UGT1A6: variants seen among roughly 807,000 people sequenced by gnomAD.
UGT1A6 encodes UDP glucuronosyltransferase family 1 member A6, also known as UDP-glucuronosyltransferase 1A6.
UGT1A6 carries 32 observed loss-of-function variants against 44.4 expected under a neutral mutation model. The observed-to-expected ratio is 0.72, with a 90% confidence interval of 0.54 to 0.97. The LOEUF is 0.97. UGT1A6 is among the 50% of genes least tolerant of loss of function. The pLI, the probability that UGT1A6 is intolerant of heterozygous loss-of-function variation, is 0.00. For synonymous variants in UGT1A6, 238 were observed against 248.5 expected, an observed-to-expected ratio of 0.96 and a Z score of 0.40; for missense variants, 685 against 661.9, an observed-to-expected ratio of 1.03 and a Z score of -0.38.
At chr2:233,753,815 C>T (rs973351937) in intron 1 of UGT1A6, among the ~76,000 whole-genome samples, 12 of 152,170 alleles carry the variant, frequency 7.9e-5, no homozygotes, top group Admixed American at 5.2e-4. Context: ...TGGAGAACCA[C>T]GTTAGGGCTG....
At chr2:233,754,817 C>A in intron 1 of UGT1A6, 1 of 1,330,844 alleles carries the variant, frequency 7.5e-7, no homozygotes, top group East Asian at 4.7e-5. Flanking sequence ...AAAAACCACC[C>A]TCAAAAGCTG....
At chr2:233,755,437 G>A (rs558010225) in intron 1 of UGT1A6, 20 of 316,674 alleles carry the variant, frequency 6.3e-5, no homozygotes, top group East Asian at 5.9e-4. Flanking sequence ...ATCCCAAGAT[G>A]CAGTGCTCCT....
At chr2:233,743,747 GACA>G (rs1559387814) in intron 1 of UGT1A6, 2 of 1,367,344 alleles carry the variant, frequency 1.5e-6, no homozygotes, top group South Asian at 1.1e-5. Context: ...CTTGGCGTCC[GACA>G]ACACCTCGTA....
At chr2:233,702,131 A>C (rs1379311746) in intron 1 of UGT1A6, among the ~76,000 whole-genome samples, 1 of 151,904 alleles carries the variant, frequency 6.6e-6, no homozygotes, top group Non-Finnish European at 1.5e-5. Context: ...ATTTTCAGTC[A>C]CTCCCAAAGA....
At chr2:233,718,724 G>T (rs1307207827) in intron 1 of UGT1A6, 4 of 1,610,176 alleles carry the variant, frequency 2.5e-6, no homozygotes, top group Non-Finnish European at 3.4e-6. Flanking sequence ...ATGCTGATTT[G>T]CTAGGTGGCT....
At chr2:233,767,959 A>G in intron 3 of UGT1A6, 23 bp downstream of exon 3, 1 of 1,614,218 alleles carries the variant, frequency 6.2e-7, no homozygotes, top group Non-Finnish European at 8.5e-7. Flanking sequence ...GATTGGATGT[A>G]TAGGTCAAAC....
intron 4 of UGT1A6, chr2:233,770,452 G>C (rs1050174931): frequency 6.6e-6 from 1 of 152,078 alleles, no homozygotes; most frequent in African/African-American, 2.4e-5. Context: ...TTAGGAGTTC[G>C]AAACCAACCT....
intron 1 of UGT1A6, among the ~76,000 whole-genome samples, chr2:233,698,126 G>T (rs753031905): frequency 2.0e-5 from 3 of 152,148 alleles, no homozygotes; most frequent in Admixed American, 1.3e-4. Flanking sequence ...GCTTGACCTT[G>T]TTTGTGTCTC....
chr2:233,705,895 C>G (rs1312071295), intron 1 of UGT1A6, among the ~76,000 whole-genome samples: 1 of 152,094 alleles, frequency 6.6e-6, no homozygotes, highest in Non-Finnish European at 1.5e-5. Context: ...CAAGACTGCC[C>G]TGGCCAAAAT....
chr2:233,717,499 G>T (rs570547635), intron 1 of UGT1A6, among the ~76,000 whole-genome samples: 12 of 152,304 alleles, frequency 7.9e-5, no homozygotes, highest in Non-Finnish European at 1.5e-4. Context: ...TATCAATGTG[G>T]ATTTCTAATG....
Position 233,748,513 on chromosome 2 carries a change from T to C in UGT1A6, c.862-18521T>C, listed in dbSNP as rs527780891. Among the ~76,000 whole-genome samples the C allele has an allele frequency of 5.3e-5, 8 of 151,912 alleles. No homozygotes were observed. The South Asian group carries it at 1.7e-3, about 31-fold the overall frequency. The stretch of plus-strand genomic sequence containing the variant: ...TGTGATAATTTTTAGTGGTCCTGTC[T>C]TGCGAATGATAGAGAGGTGACCACA... On this transcript the variant is annotated intron_variant, in intron 1 of 4. Transcript: ENST00000305139.
In UGT1A6 at chr2:233,700,131, GCTGTTTGTCTCC is replaced by G. The variant is rs1446119494; in HGVS notation, c.861+6269_861+6280del. On this transcript the variant is annotated intron_variant, in intron 1 of 4. Coordinates refer to ENST00000305139, the MANE Select transcript of UGT1A6 (RefSeq NM_001072.4). ...CAAGGATCCTGTGCCCACCCTCTGA[GCTGTTTGTCTCC>G]CTATAGGGGTCTTTACAAGGAATGC... 7.9e-5 allele frequency among the ~76,000 whole-genome samples: 12 copies of G among 152,312 alleles called. No individual in the cohort carries two copies. In the East Asian group the frequency reaches 2.3e-3, roughly 29 times the overall value.
At chr2:233,771,377 T>A (rs1700299205) in intron 4 of UGT1A6, 1 of 152,184 alleles carries the variant, frequency 6.6e-6, no homozygotes, top group Non-Finnish European at 1.5e-5. Flanking sequence ...CCGTTTTGGA[T>A]TGAGATGTTC....
chr2:233,759,409 G>T (rs548037824), intron 1 of UGT1A6, among the ~76,000 whole-genome samples: 1 of 152,164 alleles, frequency 6.6e-6, no homozygotes, highest in African/African-American at 2.4e-5. Context: ...GTGACCTGTA[G>T]TAAGCAAAGG....
intron 1 of UGT1A6, among the ~76,000 whole-genome samples, chr2:233,720,591 T>C (rs1428416416): frequency 6.6e-6 from 1 of 152,064 alleles, no homozygotes; most frequent in Non-Finnish European, 1.5e-5. Context: ...ATTTCAGAGG[T>C]GACTTTCATT....
intron 1 of UGT1A6, among the ~76,000 whole-genome samples, chr2:233,756,884 T>C (rs1289001884): frequency 6.6e-6 from 1 of 152,128 alleles, no homozygotes; most frequent in Non-Finnish European, 1.5e-5. Flanking sequence ...GTAATGAGGA[T>C]GTGTTATCTC....
intron 1 of UGT1A6, among the ~76,000 whole-genome samples, chr2:233,703,657 T>C (rs757009493): frequency 5.9e-5 from 9 of 152,190 alleles, no homozygotes; most frequent in Non-Finnish European, 1.0e-4. Flanking sequence ...GCATTTCTTT[T>C]GGTTGCTGTT....
In UGT1A6 at chr2:233,699,991, T is replaced by G. The variant is rs568440591; in HGVS notation, c.861+6126T>G. 2.6e-4 allele frequency among the ~76,000 whole-genome samples: 40 copies of G among 152,294 alleles called. 1 individual carries two copies. Among genetic ancestry groups the G allele is most frequent in the African/African-American group, 8.9e-4 (37 of 41,564 alleles). On this transcript the variant is annotated intron_variant, in intron 1 of 4. Coordinates refer to ENST00000305139, the MANE Select transcript of UGT1A6 (RefSeq NM_001072.4). ...CCCCCAACTCCCAACAAAGAATTACTCTGGCTCAAAATGTCACGAGTGCTG... is the reference window on the plus strand; with the variant it reads ...CCCCCAACTCCCAACAAAGAATTACGCTGGCTCAAAATGTCACGAGTGCTG...
chr2:233,714,873 C>A (rs1233346677), intron 1 of UGT1A6, among the ~76,000 whole-genome samples: 1 of 147,466 alleles, frequency 6.8e-6, no homozygotes, highest in African/African-American at 2.5e-5. Flanking sequence ...AAAATTCTAT[C>A]TTTTAAATTT....
Sources: gnomAD v4.1 joint callset for allele counts (sites outside exome capture counted in the v4.1 genomes callset) on GRCh38, gnomAD v4.1.1 for gene constraint, MANE v1.5 for transcripts, NCBI Gene and HGNC (gene_info 2026-07-23, HGNC 2026-07-21) for gene names.